Variants in RNGTT observed in about 807,000 individuals in gnomAD.
RNGTT encodes mRNA-capping enzyme.
In RNGTT, 33 loss-of-function variants were observed where a neutral mutation model predicts 79.3. That is an observed-to-expected ratio of 0.42 (90% CI 0.32 to 0.56). The LOEUF is 0.56. RNGTT is among the 20% of genes least tolerant of loss of function. The probability of loss-of-function intolerance (pLI) is 0.17; values close to 1 mark genes in which losing one functional copy is unlikely to be tolerated. For synonymous variants in RNGTT, 222 were observed against 235.9 expected (o/e 0.94, Z 0.54); for missense variants, 497 against 739.1 (o/e 0.67, Z 3.80).
chr6:88,944,959 T>C (rs1015537163), intron 1 of RNGTT, among the ~76,000 whole-genome samples: 31 of 152,226 alleles, frequency 2.0e-4, no homozygotes, highest in Non-Finnish European at 4.1e-4. Context: ...TAAACTGAAC[T>C]GTATTGCATC....
At chr6:88,846,655 A>G (rs9444650) in intron 10 of RNGTT, among the ~76,000 whole-genome samples, 44,791 of 151,822 alleles carry the variant, frequency 0.3, 9,865 homozygotes, top group African/African-American at 0.62. Context: ...AGCTACTCGG[A>G]AGGCTGAGGC....
At chr6:88,841,728 T>C (rs1366100066) in intron 11 of RNGTT, among the ~76,000 whole-genome samples, 2 of 152,082 alleles carry the variant, frequency 1.3e-5, no homozygotes, top group Admixed American at 1.3e-4. Flanking sequence ...AATAGAGAAA[T>C]ATAAAAAGAG....
chr6:88,742,839 C>A (rs897525997), intron 13 of RNGTT, among the ~76,000 whole-genome samples: 1 of 152,014 alleles, frequency 6.6e-6, no homozygotes, highest in Non-Finnish European at 1.5e-5. Context: ...AATTATAGTT[C>A]GGAAGAAAAA....
intron 13 of RNGTT, among the ~76,000 whole-genome samples, chr6:88,761,892 G>A (rs1276691157): frequency 2.0e-5 from 3 of 152,178 alleles, no homozygotes; most frequent in Non-Finnish European, 4.4e-5. Context: ...AATCCCCGAT[G>A]GGTAATCCCC....
At chr6:88,804,918 T>G (rs1374648782) in intron 11 of RNGTT, among the ~76,000 whole-genome samples, 1 of 152,192 alleles carries the variant, frequency 6.6e-6, no homozygotes, top group East Asian at 1.9e-4. Context: ...TGACTAATGT[T>G]AAGAAAATGC....
At chr6:88,699,788 T>C (rs1262761085) in intron 13 of RNGTT, among the ~76,000 whole-genome samples, 2 of 152,228 alleles carry the variant, frequency 1.3e-5, no homozygotes, top group African/African-American at 4.8e-5. Flanking sequence ...CTTGAAAACA[T>C]TATGCTAAGT....
chr6:88,933,626 T>C (rs1012052984), intron 2 of RNGTT, among the ~76,000 whole-genome samples: 3 of 152,188 alleles, frequency 2.0e-5, no homozygotes, highest in Non-Finnish European at 4.4e-5. Context: ...ACTACAGATA[T>C]GAAATCAACT....
At chr6:88,669,855 G>A (rs1269790998) in intron 14 of RNGTT, among the ~76,000 whole-genome samples, 1 of 152,192 alleles carries the variant, frequency 6.6e-6, no homozygotes, top group African/African-American at 2.4e-5. Flanking sequence ...GAAAGATGAT[G>A]AGTGGTCCCG....
At chr6:88,620,230 G>A (rs992345650) in intron 14 of RNGTT, among the ~76,000 whole-genome samples, 5 of 152,090 alleles carry the variant, frequency 3.3e-5, no homozygotes, top group Admixed American at 2.6e-4. Context: ...AGTCAGATAC[G>A]CAACTAATGA....
intron 11 of RNGTT, among the ~76,000 whole-genome samples, chr6:88,835,191 T>C (rs1211706910): frequency 6.6e-6 from 1 of 152,124 alleles, no homozygotes; most frequent in Admixed American, 6.6e-5. Flanking sequence ...TTCAAGAGAT[T>C]ATCTGTTCTT....
chr6:88,906,440 C>T lies in RNGTT; in HGVS notation c.368G>A (p.Gly123Asp). The T allele has an allele frequency of 2.5e-6, 4 of 1,575,710 alleles. No individual in the cohort carries two copies. Among genetic ancestry groups the T allele is most frequent in the Non-Finnish European group, 3.4e-6 (4 of 1,165,118 alleles). The change falls in exon 5 of 16, where the codon GGT (glycine) becomes GAT (aspartate). Residue 123 changes from glycine to aspartate, a missense_variant and splice_region_variant. By Grantham distance (94) the Gly-to-Asp change is moderately conservative. Around this residue, in one of 3 missense-constraint regions of RNGTT, gnomAD observed 440 missense variants for 671.5 expected, o/e 0.66. Coordinates refer to ENST00000369485, the MANE Select transcript of RNGTT (RefSeq NM_003800.5). Reference sequence around the variant, plus strand: ...ATTGAAGCCATGAGTACAATGAACACCTAGAAAATAAAGTAGCTTTGGTTA... The same window carrying T: ...ATTGAAGCCATGAGTACAATGAACATCTAGAAAATAAAGTAGCTTTGGTTA... ...FNERNPPELIGVHCTHGFNRT... is the reference protein window; with the variant it reads ...FNERNPPELIDVHCTHGFNRT...
intron 14 of RNGTT, among the ~76,000 whole-genome samples, chr6:88,667,567 G>A (rs1003879200): frequency 3.3e-5 from 5 of 152,214 alleles, no homozygotes; most frequent in East Asian, 3.9e-4. Flanking sequence ...GCTGGTTCTA[G>A]TGTGTACATA....
rs144550182 is a variant in RNGTT at position 88,781,742 on chromosome 6, A to G, written c.1339-11868T>C. Among the ~76,000 whole-genome samples, 59 of 152,262 alleles carry G rather than the reference A, an allele frequency of 3.9e-4. 1 individual carries two copies. The highest frequency in any genetic ancestry group is 1.2e-3 in the African/African-American group (51 of 41,496). Reference sequence around the variant, plus strand: ...AAAGTTTTAAATCTAAAACTGAATCATTTATATTCTTAAACAAAAAACTAG... The same window carrying G: ...AAAGTTTTAAATCTAAAACTGAATCGTTTATATTCTTAAACAAAAAACTAG... On this transcript the variant is annotated intron_variant, in intron 12 of 15. Coordinates refer to ENST00000369485, the MANE Select transcript of RNGTT (RefSeq NM_003800.5).
At chr6:88,850,740 T>C (rs1204087919) in intron 9 of RNGTT, among the ~76,000 whole-genome samples, 1 of 152,042 alleles carries the variant, frequency 6.6e-6, no homozygotes, top group Non-Finnish European at 1.5e-5. Flanking sequence ...GACCATTAGC[T>C]GCATCCTGAA....
intron 13 of RNGTT, among the ~76,000 whole-genome samples, chr6:88,723,091 T>A (rs1204823624): frequency 1.3e-5 from 2 of 152,222 alleles, no homozygotes; most frequent in African/African-American, 4.8e-5. Context: ...AGAGATTAAC[T>A]CAGACAGGTC....
chr6:88,630,166 G>A (rs1041030296), intron 14 of RNGTT, among the ~76,000 whole-genome samples: 2 of 152,146 alleles, frequency 1.3e-5, no homozygotes, highest in African/African-American at 4.8e-5. Flanking sequence ...TGTTTTGGGG[G>A]TTTATTCAAA....
intron 13 of RNGTT, among the ~76,000 whole-genome samples, chr6:88,710,567 C>T (rs1776284454): frequency 1.3e-5 from 2 of 152,174 alleles, no homozygotes; most frequent in South Asian, 4.1e-4. Context: ...CTTGCAACCA[C>T]ATCAACCTAA....
intron 13 of RNGTT, among the ~76,000 whole-genome samples, chr6:88,713,549 T>C (rs1366824609): frequency 6.6e-6 from 1 of 152,168 alleles, no homozygotes; most frequent in Admixed American, 6.5e-5. Context: ...TATAAACCTA[T>C]CCCAAATTTT....
At chr6:88,789,212 G>C (rs1779323914) in intron 12 of RNGTT, among the ~76,000 whole-genome samples, 1 of 152,162 alleles carries the variant, frequency 6.6e-6, no homozygotes, top group Non-Finnish European at 1.5e-5. Flanking sequence ...CTGAGGCCAG[G>C]AGCTCAAGAC....
Sources: allele counts gnomAD v4.1 joint callset (sites outside exome capture counted in the v4.1 genomes callset), GRCh38; gene constraint gnomAD v4.1.1; regional missense constraint gnomAD v4.1.1; transcripts MANE v1.5; gene names NCBI Gene and HGNC (gene_info 2026-07-23, HGNC 2026-07-21).